The following CHST15 variants were observed in gnomAD, a reference collection of about 807,000 sequenced individuals.
CHST15 encodes B cell RAG associated protein (GALNAC4S-6ST).
Under a neutral mutation model 53.6 loss-of-function variants are expected in CHST15, and 30 were observed. That is an observed-to-expected ratio of 0.56 (90% confidence interval 0.42 to 0.76). The LOEUF (loss-of-function observed/expected upper bound fraction) is 0.76, where lower values mean the gene tolerates loss of function less well. CHST15 is among the 30% of genes least tolerant of loss of function. CHST15 has a pLI of 0.00. For missense variants in CHST15, 627 were observed against 740.5 expected (o/e 0.85, Z 1.78); for synonymous variants, 296 against 289.8 (o/e 1.02, Z -0.22).
chr10:124,044,152 A>AAACGGCACAGAGCTTGGG (rs1947862354), intron 3 of CHST15, among the ~76,000 whole-genome samples: 1 of 138,650 alleles, frequency 7.2e-6, no homozygotes, highest in African/African-American at 3.2e-5. Context: ...ACAGAGCAGG[A>AAACGGCACAGAGCTTGGG]AACGGCACAG....
chr10:124,089,698 G>A (rs908526911), intron 1 of CHST15, among the ~76,000 whole-genome samples: 1 of 152,008 alleles, frequency 6.6e-6, no homozygotes, highest in Admixed American at 6.5e-5. Flanking sequence ...ACACTCCCCC[G>A]AGTCCACCCT....
rs113594337 is a variant in CHST15, at chr10:124,076,363, T to C, written c.-513+17106A>G. On this transcript the variant is annotated intron_variant, in intron 1 of 7. Coordinates refer to ENST00000435907, the MANE Select transcript of CHST15 (RefSeq NM_001270764.2). ...GCGGTAGACTGTCCCAGATTCCCGA[T>C]GCGTGGAGACTGAGAAAGTCACATG... is the stretch of plus-strand genomic sequence containing the variant. Among the ~76,000 whole-genome samples the C allele has an allele frequency of 5.4e-3, 830 of 152,344 alleles. 2 individuals carry two copies. Among genetic ancestry groups the C allele is most frequent in the Non-Finnish European group, 9.2e-3 (626 of 68,020 alleles).
In CHST15 at chr10:124,074,079, C is replaced by A. The variant is rs1949003623; in HGVS notation, c.-513+19390G>T. Among the ~76,000 whole-genome samples, 1 of 152,222 alleles carries A rather than the reference C, an allele frequency of 6.6e-6. No homozygotes were observed. Among genetic ancestry groups the A allele is most frequent in the Non-Finnish European group, 1.5e-5 (1 of 68,036 alleles). ...ATTTTCCACATAGTCTTTTTAGCCT[C>A]TTTCCATAGAAGACTTTCTCAGGAC... is the stretch of plus-strand genomic sequence containing the variant. On this transcript the variant is annotated intron_variant, in intron 1 of 7. Transcript: ENST00000435907. The surrounding 1 kb of genome is among the most constrained non-coding windows in gnomAD (Gnocchi z 4.4).
intron 1 of CHST15, among the ~76,000 whole-genome samples, chr10:124,058,826 G>C (rs113252350): frequency 0.023 from 3,491 of 152,328 alleles, 127 homozygotes; most frequent in African/African-American, 0.079. Flanking sequence ...TCTTATTGCT[G>C]AGTCACAACA....
At chr10:124,057,430 A>G (rs1307216005) in intron 1 of CHST15, among the ~76,000 whole-genome samples, 1 of 152,118 alleles carries the variant, frequency 6.6e-6, no homozygotes, top group Non-Finnish European at 1.5e-5. Context: ...TTAAACACCT[A>G]CTATGTGCAG....
chr10:124,030,552 TCTC>T (rs1448246104), intron 5 of CHST15, among the ~76,000 whole-genome samples: 1 of 152,204 alleles, frequency 6.6e-6, no homozygotes, highest in Non-Finnish European at 1.5e-5. Flanking sequence ...CCCACGGCTT[TCTC>T]CTCATTCCGT....
At chr10:124,055,910 T>G (rs1948363942) in intron 1 of CHST15, among the ~76,000 whole-genome samples, 1 of 152,014 alleles carries the variant, frequency 6.6e-6, no homozygotes, top group African/African-American at 2.4e-5. Flanking sequence ...CCGGAACCCC[T>G]CAACAATGAT....
intron 7 of CHST15, chr10:124,011,833 G>A (rs751795464): frequency 1.0e-4 from 99 of 985,434 alleles, no homozygotes; most frequent in Non-Finnish European, 1.0e-4. Context: ...TACCGGAGAT[G>A]ATGCAATGAT....
chr10:124,056,234 T>A (rs1257501800), intron 1 of CHST15, among the ~76,000 whole-genome samples: 1 of 151,944 alleles, frequency 6.6e-6, no homozygotes, highest in Non-Finnish European at 1.5e-5. Context: ...CCCCTTCCAA[T>A]CTTTTGAGGA....
intron 6 of CHST15, chr10:124,020,976 C>T: frequency 7.1e-7 from 1 of 1,404,242 alleles, no homozygotes; most frequent in Non-Finnish European, 9.2e-7. Context: ...GGGTGTCTTG[C>T]TAAATGGTAA....
chr10:124,013,305 T>G, intron 6 of CHST15, among the ~76,000 whole-genome samples: 1 of 152,108 alleles, frequency 6.6e-6, no homozygotes, highest in African/African-American at 2.4e-5. Flanking sequence ...AGACTAAAGG[T>G]CAGCCACAGC....
At position 124,009,413 on chromosome 10, in the gene CHST15, C is replaced by A. The variant is rs1946352165; in HGVS notation, c.*736G>T. ...TATGTTAAACATAAGTCCACAAGGA[C>A]AGAATAGGAGGAGGTCAGAAAGATG... On this transcript the variant is annotated 3_prime_UTR_variant, in exon 8 of 8. Transcript: ENST00000435907. The A allele has an allele frequency of 1.0e-5, 10 of 1,001,458 alleles. No homozygotes were observed. The highest frequency in any genetic ancestry group is 1.2e-5 in the Non-Finnish European group (10 of 839,046). 62.0% of individuals were successfully genotyped at this position (1,001,458 alleles called of 1,614,324 possible). A position where few individuals can be genotyped will look rare whatever the true frequency, so the allele number is the denominator to read the frequency against.
At chr10:124,037,010 CA>C (rs1947521671) in intron 5 of CHST15, among the ~76,000 whole-genome samples, 1 of 152,112 alleles carries the variant, frequency 6.6e-6, no homozygotes, top group African/African-American at 2.4e-5. Flanking sequence ...TCTGGGATGC[CA>C]GGGGAGAATC....
At chr10:124,027,474 C>T (rs1261565335) in intron 5 of CHST15, among the ~76,000 whole-genome samples, 2 of 152,222 alleles carry the variant, frequency 1.3e-5, no homozygotes, top group Admixed American at 1.3e-4. Context: ...TTCAGGGACA[C>T]TTACAGCGTG....
intron 1 of CHST15, among the ~76,000 whole-genome samples, chr10:124,093,180 G>C (rs1949658576): frequency 6.6e-6 from 1 of 152,154 alleles, no homozygotes; most frequent in Non-Finnish European, 1.5e-5. Context: ...GGGAGGCCGG[G>C]CCAAGGAGCC....
At chr10:124,047,056 A>C (rs1948027649) in intron 1 of CHST15, among the ~76,000 whole-genome samples, 1 of 152,216 alleles carries the variant, frequency 6.6e-6, no homozygotes, top group African/African-American at 2.4e-5. Context: ...TCTGAATCCC[A>C]GGATGTTGTG....
In CHST15 at chr10:124,072,157, G is replaced by A. The variant is rs78612835; in HGVS notation, c.-513+21312C>T. ...TCTACTTGGGGTAGGGAAGACAGCCGGGCAATAACCCGGGCACAGGTTTTC... is the reference window on the plus strand; with the variant it reads ...TCTACTTGGGGTAGGGAAGACAGCCAGGCAATAACCCGGGCACAGGTTTTC... On this transcript the variant is annotated intron_variant, in intron 1 of 7. Coordinates refer to ENST00000435907, the MANE Select transcript of CHST15 (RefSeq NM_001270764.2). 6.5e-3 allele frequency among the ~76,000 whole-genome samples: 985 copies of A among 152,324 alleles called. 10 individuals are homozygous for A. Among genetic ancestry groups the A allele is most frequent in the African/African-American group, 0.021 (872 of 41,566 alleles).
At chr10:124,017,815 G>A (rs1300700380) in intron 6 of CHST15, among the ~76,000 whole-genome samples, 1 of 152,078 alleles carries the variant, frequency 6.6e-6, no homozygotes, top group Admixed American at 6.5e-5. Flanking sequence ...CCTGTGTTAA[G>A]GTGTAGTGCC....
intron 7 of CHST15, chr10:124,011,045 T>C: frequency 1.0e-6 from 1 of 978,748 alleles, no homozygotes; most frequent in Non-Finnish European, 1.2e-6. Context: ...CCCTCTGGAG[T>C]GAGGAGAGGC....
Sources: gnomAD v4.1 joint callset for allele counts (sites outside exome capture counted in the v4.1 genomes callset) on GRCh38, gnomAD v4.1.1 for gene constraint, Gnocchi (gnomAD v3.1) non-coding constraint, MANE v1.5 for transcripts, NCBI Gene and HGNC (gene_info 2026-07-23, HGNC 2026-07-21) for gene names.